The following MAMLD1 variants were observed in gnomAD, a reference collection of about 807,000 sequenced individuals.
MAMLD1 encodes mastermind like domain containing 1, also known as mastermind-like domain-containing protein 1.
Under a neutral mutation model 45.0 loss-of-function variants are expected in MAMLD1, and 14 were observed. The observed-to-expected ratio is 0.31, with a 90% CI of 0.21 to 0.49. MAMLD1 has a LOEUF of 0.49. Among genes scored for constraint, MAMLD1 ranks in the 20% least tolerant of loss-of-function variants. The pLI is 0.99. For synonymous variants in MAMLD1, 254 were observed against 247.8 expected (o/e 1.02, Z -0.24); for missense variants, 543 against 603.6 (o/e 0.90, Z 1.05).
chrX:150,494,480 A>C (rs1438217743), intron 5 of MAMLD1, among the ~76,000 whole-genome samples: 6 of 112,688 alleles, frequency 5.3e-5, no homozygotes, highest in Admixed American at 4.7e-4. Context: ...ACAACCCCCA[A>C]GTAGATCCTC....
intron 1 of MAMLD1, among the ~76,000 whole-genome samples, chrX:150,443,855 G>A (rs1171942190): frequency 1.8e-5 from 2 of 111,375 alleles, no homozygotes; most frequent in Non-Finnish European, 3.8e-5. Context: ...ATCCTTGTCA[G>A]GCAGTTCTGA....
Position 150,445,631 on chromosome X carries a change from G to C in MAMLD1, c.96+19G>C, listed in dbSNP as rs2124600743. The C allele has an allele frequency of 9.2e-7, 1 of 1,088,249 alleles. No homozygotes were observed. 89.7% of individuals were successfully genotyped at this position (1,088,249 alleles called of 1,213,427 possible). On this transcript the variant is annotated intron_variant, in intron 2 of 7. Coordinates refer to ENST00000370401, the MANE Select transcript of MAMLD1 (RefSeq NM_005491.5). ...GGAATCGGTCAGACAATGGGCCATGGGGGGAGGGGGGTATTTAATGCTTCT... is the reference window on the plus strand; with the variant it reads ...GGAATCGGTCAGACAATGGGCCATGCGGGGAGGGGGGTATTTAATGCTTCT...
chrX:150,366,753 T>TA (rs1304437666), intron 1 of MAMLD1, among the ~76,000 whole-genome samples: 1 of 111,552 alleles, frequency 9.0e-6, no homozygotes, highest in African/African-American at 3.3e-5. Flanking sequence ...GGGGCCGCCC[T>TA]GCCCTCTCCC....
chrX:150,413,235 A>G (rs1416055543), intron 1 of MAMLD1, among the ~76,000 whole-genome samples: 1 of 110,286 alleles, frequency 9.1e-6, no homozygotes, highest in Non-Finnish European at 1.9e-5. Context: ...CTTACAGACC[A>G]CTCAGTTGCC....
intron 3 of MAMLD1, among the ~76,000 whole-genome samples, chrX:150,467,733 G>T (rs1290842638): frequency 2.7e-5 from 3 of 112,362 alleles, no homozygotes; most frequent in Non-Finnish European, 5.6e-5. Flanking sequence ...GGTGGTGGAG[G>T]GGCCCTGCAT....
At position 150,452,996 on chromosome X, in the gene MAMLD1, C is replaced by T. The variant is rs888393577; in HGVS notation, c.96+7384C>T. 2.7e-5 allele frequency among the ~76,000 whole-genome samples: 3 copies of T among 111,327 alleles called. No homozygotes were observed. In the South Asian group the frequency reaches 1.2e-3, roughly 43 times the overall value. ...AACAACTTTTGGGACTGCTGGATCA[C>T]TTGCACGGTTTAGAAATGGTCACCT... is the stretch of plus-strand genomic sequence containing the variant. On this transcript the variant is annotated intron_variant, in intron 2 of 7. Coordinates refer to ENST00000370401, the MANE Select transcript of MAMLD1 (RefSeq NM_005491.5).
intron 1 of MAMLD1, among the ~76,000 whole-genome samples, chrX:150,377,094 G>T (rs1557401475): frequency 8.8e-6 from 1 of 113,061 alleles, no homozygotes; most frequent in African/African-American, 3.2e-5. Context: ...ACCAACTTTG[G>T]GACTGTATCT....
intron 1 of MAMLD1, among the ~76,000 whole-genome samples, chrX:150,431,381 ACTT>A (rs1352620868): frequency 3.1e-5 from 2 of 63,864 alleles, no homozygotes; most frequent in African/African-American, 5.6e-5. Context: ...CAATCGTTTT[ACTT>A]CTTCTTCTTC....
At chrX:150,398,302 G>C (rs917321175) in intron 1 of MAMLD1, among the ~76,000 whole-genome samples, 7 of 95,702 alleles carry the variant, frequency 7.3e-5, no homozygotes, top group African/African-American at 2.8e-4. Context: ...AGAAGAAGAA[G>C]AAGAAGAAGA....
chrX:150,470,161 T>A lies in MAMLD1; in HGVS notation c.588T>A (p.Leu196=). The change falls in exon 4 of 8, where the codon CTT becomes CTA. Residue 196 remains leucine (L), a synonymous_variant. Transcript: ENST00000370401. ...ACCCTTCTCCAAATGAGCTAGATCT[T>A]GAGAAGATACTGGGGACGAAGCCAG... ...IQDPSPNELD[L]EKILGTKPEE... 8.3e-7 allele frequency: 1 copy of A among 1,211,484 alleles called. No individual in the cohort carries two copies. The highest frequency in any genetic ancestry group is 1.1e-6 in the Non-Finnish European group (1 of 895,416).
chrX:150,370,167 G>A lies in MAMLD1; in HGVS notation c.-64+6637G>A, dbSNP rs782737768. ...GATAAATGATGGAGGAACAGGAGCC[G>A]GTTACTATGGATCAGCACAATAAAC... is the stretch of plus-strand genomic sequence containing the variant. On this transcript the variant is annotated intron_variant, in intron 1 of 7. Coordinates refer to ENST00000370401, the MANE Select transcript of MAMLD1 (RefSeq NM_005491.5). Among the ~76,000 whole-genome samples, 64 of 109,461 alleles carry A rather than the reference G, an allele frequency of 5.8e-4. No individual in the cohort carries two copies. In the Middle Eastern group the frequency reaches 0.014, roughly 24 times the overall value.
chrX:150,490,987 C>G (rs190319110), intron 5 of MAMLD1, among the ~76,000 whole-genome samples: 1 of 111,987 alleles, frequency 8.9e-6, no homozygotes, highest in South Asian at 3.7e-4. Context: ...CAAGTTCACA[C>G]GGCTAATGGC....
rs1269219450 is a variant in MAMLD1, at chrX:150,363,337, G to A, written c.-257G>A. ...CGAGCAGATTGAGGCCGCCACTGCA[G>A]CGCCGCCAGCATGAACTTGGCCGCG... On this transcript the variant is annotated 5_prime_UTR_variant, in exon 1 of 8. Coordinates refer to ENST00000370401, the MANE Select transcript of MAMLD1 (RefSeq NM_005491.5). 1 of 112,267 alleles carries A rather than the reference G, an allele frequency of 8.9e-6. No individual in the cohort carries two copies. The highest frequency in any genetic ancestry group is 1.9e-5 in the Non-Finnish European group (1 of 52,936). 9.3% of individuals were successfully genotyped at this position (112,267 alleles called of 1,213,427 possible). A position where few individuals can be genotyped will look rare whatever the true frequency, so the allele number is the denominator to read the frequency against.
rs939724306 is a variant in MAMLD1, at chrX:150,461,917, G to C, written c.97-855G>C. On this transcript the variant is annotated intron_variant, in intron 2 of 7. Transcript: ENST00000370401. ...ATGAGGTAGTGCACTAGATGAACCA[G>C]ACTACAGGAGATGCCAGCTCTGTAG... 4.5e-5 allele frequency among the ~76,000 whole-genome samples: 5 copies of C among 112,209 alleles called. No individual in the cohort carries two copies. In the Admixed American group the frequency reaches 4.7e-4, roughly 11 times the overall value.
chrX:150,385,851 C>G (rs2032901661), intron 1 of MAMLD1, among the ~76,000 whole-genome samples: 1 of 112,080 alleles, frequency 8.9e-6, no homozygotes, highest in Non-Finnish European at 1.9e-5. Context: ...AGCTTCAGGT[C>G]CTGTATCATA....
At chrX:150,408,243 C>A (rs782222595) in intron 1 of MAMLD1, among the ~76,000 whole-genome samples, 5 of 110,719 alleles carry the variant, frequency 4.5e-5, no homozygotes, top group Admixed American at 9.6e-5. Context: ...GACTGGGGCG[C>A]CGCTCTTATC....
chrX:150,386,160 TA>T (rs1266508174), intron 1 of MAMLD1, among the ~76,000 whole-genome samples: 3 of 111,387 alleles, frequency 2.7e-5, no homozygotes, highest in African/African-American at 9.8e-5. Flanking sequence ...TTTATTGTCA[TA>T]AATTCTGTAA....
Position 150,502,921 on chromosome X carries a change from G to C in MAMLD1, c.2041-353G>C, listed in dbSNP as rs1244113900. ...TTAGCTTTGTTCCCATTTTCAACAA[G>C]ACAGTGATTTCTCAAGCCAGGGGAG... On this transcript the variant is annotated intron_variant, in intron 5 of 7. Transcript: ENST00000370401. Among the ~76,000 whole-genome samples the C allele has an allele frequency of 3.6e-5, 4 of 111,993 alleles. No homozygotes were observed. In the East Asian group the frequency reaches 1.1e-3, roughly 31 times the overall value.
intron 6 of MAMLD1, among the ~76,000 whole-genome samples, chrX:150,507,349 T>C (rs1383387329): frequency 8.9e-6 from 1 of 112,668 alleles, no homozygotes; most frequent in African/African-American, 3.2e-5. Context: ...AACTGTTTTC[T>C]TGGGGCTTAT....
Sources: gnomAD v4.1 joint callset for allele counts (sites outside exome capture counted in the v4.1 genomes callset) on GRCh38, gnomAD v4.1.1 for gene constraint, MANE v1.5 for transcripts, NCBI Gene and HGNC (gene_info 2026-07-23, HGNC 2026-07-21) for gene names.